APBB2: variants seen among roughly 807,000 people sequenced by gnomAD.
The protein encoded by APBB2 is Fe65-like 1.
APBB2 carries 38 observed loss-of-function variants against 82.5 expected under a neutral mutation model. The observed-to-expected ratio is 0.46, with a 90% CI of 0.36 to 0.60. The LOEUF (loss-of-function observed/expected upper bound fraction) is 0.60, where lower values mean the gene tolerates loss of function less well. Ranked by LOEUF, APBB2 falls within the 20% of genes least tolerant of loss-of-function variation. APBB2 has a pLI of 0.00. For missense variants in APBB2, 772 were observed against 972.3 expected, an observed-to-expected ratio of 0.79 and a Z score of 2.74; for synonymous variants, 341 against 368.2, an observed-to-expected ratio of 0.93 and a Z score of 0.85.
chr4:40,985,359 G>C (rs1183300420), intron 6 of APBB2, among the ~76,000 whole-genome samples: 1 of 151,958 alleles, frequency 6.6e-6, no homozygotes, highest in African/African-American at 2.4e-5. Flanking sequence ...AAACAACCCA[G>C]TGGTAGGAAG....
rs535463442 is a variant in APBB2 at position 41,153,192 on chromosome 4, TTTTACCTTACCC to T, written c.-416-10062_-416-10051del. Among the ~76,000 whole-genome samples the T allele has an allele frequency of 2.0e-5, 3 of 152,282 alleles. No homozygotes were observed. In the East Asian group the frequency reaches 5.8e-4, roughly 29 times the overall value. The stretch of plus-strand genomic sequence containing the variant: ...TGTTTGCTTACACATAAAGCTTGGG[TTTTACCTTACCC>T]TTTGATGCTTGGTTGAACTACTTGA... On this transcript the variant is annotated intron_variant, in intron 1 of 17. Coordinates refer to ENST00000508593, the MANE Select transcript of APBB2 (RefSeq NM_004307.2).
chr4:41,012,702 A>G (rs1397449041), intron 6 of APBB2, among the ~76,000 whole-genome samples: 1 of 151,742 alleles, frequency 6.6e-6, no homozygotes, highest in Non-Finnish European at 1.5e-5. Context: ...TCTTTGTTAT[A>G]TCTATATTAA....
intron 1 of APBB2, among the ~76,000 whole-genome samples, chr4:41,173,020 G>A (rs1041484885): frequency 4.6e-5 from 7 of 152,056 alleles, no homozygotes; most frequent in African/African-American, 7.2e-5. Context: ...CTGCAGCCTC[G>A]CTGTCATCTT....
At chr4:40,934,345 TA>T in intron 10 of APBB2, 110 bp downstream of exon 10, 1 of 1,039,122 alleles carries the variant, frequency 9.6e-7, no homozygotes, top group South Asian at 1.4e-5. Context: ...GAGGGATAAT[TA>T]CTTATTAAAT....
intron 10 of APBB2, among the ~76,000 whole-genome samples, chr4:40,897,852 A>C (rs1033367563): frequency 6.6e-6 from 1 of 152,168 alleles, no homozygotes. Context: ...TGCCGGGCGT[A>C]ATCAGTTCTG....
chr4:40,935,228 T>A, intron 7 of APBB2, 89 bp from the exon 8 acceptor site: 1 of 962,392 alleles, frequency 1.0e-6, no homozygotes, highest in Non-Finnish European at 1.5e-6. Context: ...AAGACACTGT[T>A]GTTAGCATTG....
At chr4:40,874,773 T>C (rs1244296256) in intron 12 of APBB2, among the ~76,000 whole-genome samples, 3 of 152,212 alleles carry the variant, frequency 2.0e-5, no homozygotes, top group Non-Finnish European at 4.4e-5. Context: ...GAATAGAACA[T>C]TGCATACAGT....
intron 13 of APBB2, among the ~76,000 whole-genome samples, chr4:40,828,880 CCT>C (rs1358457049): frequency 1.3e-5 from 2 of 151,768 alleles, no homozygotes; most frequent in Admixed American, 6.6e-5. Context: ...GCTCCCTGCC[CCT>C]GTCCCTCCCT....
intron 10 of APBB2, among the ~76,000 whole-genome samples, chr4:40,912,316 C>T (rs1292279146): frequency 4.6e-5 from 7 of 152,206 alleles, no homozygotes; most frequent in African/African-American, 1.7e-4. Context: ...CGGTGGCTCA[C>T]GCCTGTAATC....
intron 5 of APBB2, among the ~76,000 whole-genome samples, chr4:41,015,400 T>C (rs1809621003): frequency 6.6e-6 from 1 of 152,186 alleles, no homozygotes; most frequent in African/African-American, 2.4e-5. Flanking sequence ...ACAGAGACTT[T>C]GGTGATCTCT....
intron 9 of APBB2, 31 bp downstream of exon 9, chr4:40,934,583 T>C: frequency 6.2e-7 from 1 of 1,610,652 alleles, no homozygotes; most frequent in Non-Finnish European, 8.5e-7. Context: ...AGCCATACAT[T>C]GACAGCAGGT....
chr4:41,182,762 C>G (rs1407392824), intron 1 of APBB2, among the ~76,000 whole-genome samples: 1 of 152,142 alleles, frequency 6.6e-6, no homozygotes, highest in Admixed American at 6.5e-5. Flanking sequence ...AGGAGAAGTG[C>G]CAAGCCAAGG....
chr4:41,207,198 CAAAAAAAAAAAAAAAAA>C (rs368548129), intron 1 of APBB2, among the ~76,000 whole-genome samples: 3 of 67,346 alleles, frequency 4.5e-5, no homozygotes, highest in African/African-American at 2.1e-4. Flanking sequence ...GACTCCGTCT[CAAAAAAAAAAAAAAAAA>C]AAAAAAAAAA....
intron 6 of APBB2, among the ~76,000 whole-genome samples, chr4:40,982,242 G>GA (rs1354939295): frequency 7.8e-4 from 6 of 7,676 alleles, no homozygotes; most frequent in Non-Finnish European, 1.2e-3. Flanking sequence ...AAGAAAGAAA[G>GA]AAAGAAAGAA....
At chr4:40,980,476 G>A (rs1798194704) in intron 6 of APBB2, among the ~76,000 whole-genome samples, 1 of 152,204 alleles carries the variant, frequency 6.6e-6, no homozygotes, top group African/African-American at 2.4e-5. Context: ...CTATGGGCAT[G>A]AGAGAAAAGG....
chr4:40,827,766 T>G (rs560431863), intron 13 of APBB2, among the ~76,000 whole-genome samples: 1 of 152,162 alleles, frequency 6.6e-6, no homozygotes, highest in Non-Finnish European at 1.5e-5. Flanking sequence ...CATGAGTGAG[T>G]GTGTCACGCA....
At chr4:40,839,008 C>G (rs1158587527) in intron 12 of APBB2, among the ~76,000 whole-genome samples, 1 of 151,990 alleles carries the variant, frequency 6.6e-6, no homozygotes, top group Non-Finnish European at 1.5e-5. Flanking sequence ...AATAAATCAG[C>G]CTGTTCTGTT....
chr4:40,856,787 T>C (rs1210972622), intron 12 of APBB2, among the ~76,000 whole-genome samples: 5 of 152,342 alleles, frequency 3.3e-5, no homozygotes, highest in African/African-American at 1.2e-4. Flanking sequence ...CCCCATTTCA[T>C]ACAAGCCTCA....
chr4:41,048,712 T>TCTGATGC (rs1724385376), intron 4 of APBB2, among the ~76,000 whole-genome samples: 1 of 134,544 alleles, frequency 7.4e-6, no homozygotes, highest in African/African-American at 2.7e-5. Flanking sequence ...ACGGTCTCCC[T>TCTGATGC]CTGATGCCGA....
Sources: gnomAD v4.1 joint callset for allele counts (sites outside exome capture counted in the v4.1 genomes callset) on GRCh38, gnomAD v4.1.1 for gene constraint, MANE v1.5 for transcripts, NCBI Gene and HGNC (gene_info 2026-07-23, HGNC 2026-07-21) for gene names.